Variants in SLC2A9 observed in about 807,000 individuals in gnomAD.
SLC2A9 encodes the protein solute carrier family 2, facilitated glucose transporter member 9.
Under a neutral mutation model 50.6 loss-of-function variants are expected in SLC2A9, and 39 were observed. The observed-to-expected ratio is 0.77, with a 90% confidence interval of 0.60 to 1.01. The LOEUF (loss-of-function observed/expected upper bound fraction) is 1.01. SLC2A9 is among the 50% of genes least tolerant of loss of function. The pLI is 0.00. For missense variants in SLC2A9, 686 were observed against 677.6 expected, an observed-to-expected ratio of 1.01 and a Z score of -0.14; for synonymous variants, 324 against 276.9, an observed-to-expected ratio of 1.17 and a Z score of -1.69.
chr4:10,001,895 A>G (rs1037554698), intron 2 of SLC2A9, among the ~76,000 whole-genome samples: 5 of 152,234 alleles, frequency 3.3e-5, no homozygotes, highest in Non-Finnish European at 7.3e-5. Flanking sequence ...ACATAACTAC[A>G]GAAGCCAAAC....
intron 3 of SLC2A9, among the ~76,000 whole-genome samples, chr4:9,813,184 G>A (rs577726014): frequency 5.3e-5 from 8 of 152,288 alleles, no homozygotes; most frequent in African/African-American, 1.4e-4. Context: ...AAAATGTGGG[G>A]CAGGCGGGTT....
chr4:9,781,954 G>A, intron 3 of SLC2A9: 1 of 1,274,528 alleles, frequency 7.8e-7, no homozygotes, highest in Non-Finnish European at 1.0e-6. Flanking sequence ...TCCTCGGGGT[G>A]CCCGATGGGG....
chr4:9,834,514 G>T (rs1186638797), intron 11 of SLC2A9, among the ~76,000 whole-genome samples: 6 of 152,196 alleles, frequency 3.9e-5, no homozygotes, highest in Non-Finnish European at 8.8e-5. Context: ...TGTTAAATGG[G>T]TGGTGGTTTG....
chr4:10,019,693 C>T (rs1489631862), intron 1 of SLC2A9, among the ~76,000 whole-genome samples: 3 of 152,242 alleles, frequency 2.0e-5, no homozygotes, highest in African/African-American at 7.2e-5. Context: ...GACAGATGTG[C>T]ACACACGCTT....
At chr4:9,879,351 A>AGT (rs1450984623) in intron 10 of SLC2A9, 1 of 971,226 alleles carries the variant, frequency 1.0e-6, no homozygotes, top group Non-Finnish European at 1.2e-6. Flanking sequence ...GAGACCATGA[A>AGT]GCGTGTGTGT....
intron 10 of SLC2A9, among the ~76,000 whole-genome samples, chr4:9,844,149 T>TAAAAAAAAAAA (rs146298159): frequency 9.0e-5 from 6 of 66,856 alleles, no homozygotes; most frequent in African/African-American, 4.9e-4. Context: ...CCAGATTTAG[T>TAAAAAAAAAAA]AAAAAAAAAA....
intron 5 of SLC2A9, 89 bp downstream of exon 5, chr4:9,980,503 A>T: frequency 6.3e-7 from 1 of 1,590,442 alleles, no homozygotes; most frequent in Non-Finnish European, 8.6e-7. Flanking sequence ...ATTGCAAAAT[A>T]CAGGGACCAG....
At chr4:10,014,999 CAGTT>C (rs1265299157) in intron 2 of SLC2A9, among the ~76,000 whole-genome samples, 8 of 152,204 alleles carry the variant, frequency 5.3e-5, no homozygotes, top group Non-Finnish European at 5.9e-5. Flanking sequence ...TTCGGTTTCT[CAGTT>C]AGATCAGGTC....
intron 2 of SLC2A9, among the ~76,000 whole-genome samples, chr4:10,007,132 T>G (rs1366184623): frequency 1.3e-5 from 2 of 152,258 alleles, no homozygotes; most frequent in African/African-American, 4.8e-5. Context: ...ACCGCATTCC[T>G]GTGCCAACGC....
intron 10 of SLC2A9, among the ~76,000 whole-genome samples, chr4:9,849,191 G>A (rs953474462): frequency 1.3e-5 from 2 of 152,156 alleles, no homozygotes; most frequent in Admixed American, 1.3e-4. Context: ...GCCTGTTGGA[G>A]GGTTTTAGGA....
chr4:9,819,437 C>G (rs115327512), intron 3 of SLC2A9, among the ~76,000 whole-genome samples: 6,473 of 152,220 alleles, frequency 0.043, 427 homozygotes, highest in African/African-American at 0.15. Flanking sequence ...TAATCATGAA[C>G]CACCTTTCTT....
At chr4:9,827,404 G>C (rs1560159139) in intron 11 of SLC2A9, among the ~76,000 whole-genome samples, 1 of 152,224 alleles carries the variant, frequency 6.6e-6, no homozygotes, top group African/African-American at 2.4e-5. Context: ...GGTCCCAGCT[G>C]TCAGGATTGT....
intron 7 of SLC2A9, among the ~76,000 whole-genome samples, chr4:9,914,742 C>T (rs1272645598): frequency 1.3e-5 from 2 of 151,930 alleles, no homozygotes; most frequent in African/African-American, 2.4e-5. Context: ...TCAACCACCC[C>T]GGCCTTGCTT....
At chr4:9,912,582 C>A (rs1742048931) in intron 7 of SLC2A9, among the ~76,000 whole-genome samples, 2 of 152,154 alleles carry the variant, frequency 1.3e-5, no homozygotes, top group South Asian at 4.1e-4. Context: ...CCTAAGGATG[C>A]CCAACATGTC....
At chr4:9,878,941 C>A in intron 10 of SLC2A9, 2 of 686,934 alleles carry the variant, frequency 2.9e-6, no homozygotes, top group Non-Finnish European at 3.6e-6. Flanking sequence ...AATACACACA[C>A]ACATTTGGTG....
intron 5 of SLC2A9, among the ~76,000 whole-genome samples, chr4:9,954,557 G>A (rs1474994330): frequency 6.6e-6 from 1 of 152,220 alleles, no homozygotes. Context: ...TGCAGGGGGT[G>A]AGACCTTTTT....
intron 6 of SLC2A9, among the ~76,000 whole-genome samples, chr4:9,931,985 T>TACAC (rs1553879029): frequency 2.1e-4 from 20 of 95,676 alleles, no homozygotes; most frequent in African/African-American, 3.6e-4. Flanking sequence ...TATATATATA[T>TACAC]ATATATATAT....
At chr4:9,898,676 T>A (rs991352156) in intron 8 of SLC2A9, among the ~76,000 whole-genome samples, 4 of 152,178 alleles carry the variant, frequency 2.6e-5, no homozygotes, top group Non-Finnish European at 4.4e-5. Flanking sequence ...ATTTACATAA[T>A]CCCCATCCTT....
intron 10 of SLC2A9, among the ~76,000 whole-genome samples, chr4:9,852,356 C>T (rs908805090): frequency 2.0e-5 from 3 of 151,844 alleles, no homozygotes; most frequent in African/African-American, 7.3e-5. Flanking sequence ...GGGTTCACGC[C>T]ATTCTCCTGC....
Sources: allele counts gnomAD v4.1 joint callset (sites outside exome capture counted in the v4.1 genomes callset), GRCh38; gene constraint gnomAD v4.1.1; transcripts MANE v1.5; gene names NCBI Gene and HGNC (gene_info 2026-07-23, HGNC 2026-07-21).